Variants in USP25 observed in about 807,000 individuals in gnomAD.
USP25 encodes the protein ubiquitin specific peptidase 25.
In USP25, 85 loss-of-function variants were observed where a neutral mutation model predicts 158.5. That is an observed-to-expected ratio of 0.54 (90% CI 0.45 to 0.64). USP25 has a LOEUF of 0.64. USP25 is among the 30% of genes least tolerant of loss of function. USP25 has a pLI of 0.00. For synonymous variants in USP25, 464 were observed against 460.4 expected (o/e 1.01, Z -0.10); for missense variants, 1,242 against 1,327.3 (o/e 0.94, Z 1.00).
intron 1 of USP25, 34 bp from the exon 2 acceptor site, chr21:15,762,857 G>T (rs757634580): frequency 1.0e-5 from 16 of 1,569,712 alleles, no homozygotes; most frequent in South Asian, 1.2e-5. Context: ...TCAGAGTTGA[G>T]AATATAATGA....
At chr21:15,862,667 A>G (rs1487993814) in intron 20 of USP25, among the ~76,000 whole-genome samples, 1 of 149,852 alleles carries the variant, frequency 6.7e-6, no homozygotes, top group African/African-American at 2.4e-5. Flanking sequence ...GTAAGCGTTG[A>G]TAATCTTAAA....
intron 20 of USP25, among the ~76,000 whole-genome samples, chr21:15,857,304 T>C (rs898844919): frequency 2.6e-5 from 4 of 152,202 alleles, no homozygotes; most frequent in Non-Finnish European, 4.4e-5. Flanking sequence ...ATTTTCAATA[T>C]CGTGAACATT....
chr21:15,741,979 C>T lies in USP25; in HGVS notation c.45+11541C>T, dbSNP rs145636986. On this transcript the variant is annotated intron_variant, in intron 1 of 25. Coordinates refer to ENST00000400183, the MANE Select transcript of USP25 (RefSeq NM_001283041.3). ...CTTTATGATACATATTTTATTACAC[C>T]GTGTACAAAAATAATTTCACATTTT... Among the ~76,000 whole-genome samples the T allele has an allele frequency of 1.6e-4, 25 of 152,074 alleles. No homozygotes were observed. In the East Asian group the frequency reaches 4.4e-3, roughly 27 times the overall value.
intron 3 of USP25, among the ~76,000 whole-genome samples, chr21:15,774,076 T>TAA (rs2034505758): frequency 6.6e-6 from 1 of 152,204 alleles, no homozygotes; most frequent in Non-Finnish European, 1.5e-5. Flanking sequence ...ATATTCTTTT[T>TAA]AATGCTATAC....
chr21:15,820,008 G>C (rs2037151472), intron 10 of USP25, among the ~76,000 whole-genome samples: 1 of 151,940 alleles, frequency 6.6e-6, no homozygotes, highest in African/African-American at 2.4e-5. Context: ...ATCCAGGCAG[G>C]GTCTACGATA....
At chr21:15,862,571 GTT>G (rs369492534) in intron 20 of USP25, among the ~76,000 whole-genome samples, 1 of 127,878 alleles carries the variant, frequency 7.8e-6, no homozygotes, top group Admixed American at 7.9e-5. Context: ...CCCCTTCCCC[GTT>G]TTTTTTTTTT....
chr21:15,750,298 CT>C (rs1171071321), intron 1 of USP25, among the ~76,000 whole-genome samples: 1 of 133,108 alleles, frequency 7.5e-6, no homozygotes, highest in African/African-American at 2.8e-5. Flanking sequence ...GTGGCACAAT[CT>C]TGGTTCACTG....
In USP25 at chr21:15,826,468, A is replaced by G; in HGVS notation, c.1466+103A>G. The stretch of plus-strand genomic sequence containing the variant: ...TTCTATAAAATGTATGCTTTGATTT[A>G]CTTCAGTGAACTCCTAAGAGTAGAT... On this transcript the variant is annotated intron_variant, in intron 13 of 25. Coordinates refer to ENST00000400183, the MANE Select transcript of USP25 (RefSeq NM_001283041.3). This position sits in a 1 kb window ranked among gnomAD's most constrained non-coding sequence, Gnocchi z 4.8. 2 of 1,315,952 alleles carry G rather than the reference A, an allele frequency of 1.5e-6. No homozygotes were observed. The highest frequency in any genetic ancestry group is 2.1e-6 in the Non-Finnish European group (2 of 944,150). 81.5% of individuals were successfully genotyped at this position (1,315,952 alleles called of 1,614,324 possible).
intron 17 of USP25, among the ~76,000 whole-genome samples, chr21:15,840,366 T>C (rs1424938004): frequency 6.6e-6 from 1 of 152,200 alleles, no homozygotes; most frequent in Non-Finnish European, 1.5e-5. Flanking sequence ...TCAGAGTTCC[T>C]TAAAATTAGT....
At chr21:15,756,101 T>C (rs1288882776) in intron 1 of USP25, among the ~76,000 whole-genome samples, 2 of 152,138 alleles carry the variant, frequency 1.3e-5, no homozygotes, top group African/African-American at 2.4e-5. Flanking sequence ...GTCAAAAGAA[T>C]AGGTGAAAAG....
At position 15,842,529 on chromosome 21, in the gene USP25, G is replaced by C. The variant is rs532003284; in HGVS notation, c.2326G>C (p.Val776Leu). Residue 776 changes from valine to leucine, a missense_variant, in exon 18 of 26, where the codon GTT (valine) becomes CTT (leucine). Transcript: ENST00000400183. ...HEHEDKSPET[V>L]LQSKPENTTS... ...GCATGAAGATAAAAGTCCTGAAACA[G>C]TTTTGCAGTCGGTAAGAACTTTTCT... 60 of 1,613,340 alleles carry C rather than the reference G, an allele frequency of 3.7e-5. 1 individual carries two copies. In the South Asian group the frequency reaches 6.4e-4, roughly 17 times the overall value.
intron 18 of USP25, among the ~76,000 whole-genome samples, chr21:15,845,925 G>C (rs1224249506): frequency 6.6e-6 from 1 of 151,500 alleles, no homozygotes; most frequent in Non-Finnish European, 1.5e-5. Context: ...ACAATTTAAA[G>C]TAGCACAACA....
intron 1 of USP25, among the ~76,000 whole-genome samples, chr21:15,734,298 G>A (rs1026035677): frequency 6.6e-6 from 1 of 152,110 alleles, no homozygotes; most frequent in Non-Finnish European, 1.5e-5. Context: ...AAAATAACAT[G>A]TATTTTCCAA....
chr21:15,838,739 TAA>T (rs1244818998), intron 17 of USP25, among the ~76,000 whole-genome samples: 1 of 152,130 alleles, frequency 6.6e-6, no homozygotes, highest in Admixed American at 6.5e-5. Context: ...GTCAAAAAAA[TAA>T]AGACTTCTGA....
chr21:15,780,499 G>C (rs987550560), intron 4 of USP25, among the ~76,000 whole-genome samples: 10 of 152,172 alleles, frequency 6.6e-5, no homozygotes, highest in Non-Finnish European at 1.2e-4. Flanking sequence ...AAAATGGCTT[G>C]CCTCATGAAA....
At chr21:15,797,516 T>C (rs1253791591) in intron 5 of USP25, among the ~76,000 whole-genome samples, 1 of 151,302 alleles carries the variant, frequency 6.6e-6, no homozygotes, top group Non-Finnish European at 1.5e-5. Context: ...TTGAATTTTA[T>C]ACCTAGCAGA....
intron 9 of USP25, among the ~76,000 whole-genome samples, chr21:15,814,824 A>G (rs1039962989): frequency 3.3e-5 from 5 of 152,214 alleles, no homozygotes; most frequent in African/African-American, 1.2e-4. Context: ...CCAGTAGAGC[A>G]GAAAACCCCA....
At chr21:15,818,109 C>T (rs1449664837) in intron 9 of USP25, among the ~76,000 whole-genome samples, 4 of 152,074 alleles carry the variant, frequency 2.6e-5, no homozygotes, top group Admixed American at 2.0e-4. Context: ...TCTATAGTCC[C>T]CCAGCACTCT....
At chr21:15,742,248 A>G (rs1054455932) in intron 1 of USP25, among the ~76,000 whole-genome samples, 5 of 152,006 alleles carry the variant, frequency 3.3e-5, no homozygotes, top group African/African-American at 9.7e-5. Flanking sequence ...GTGAGAGGTC[A>G]TTAGGTCATC....
Sources: allele counts gnomAD v4.1 joint callset (sites outside exome capture counted in the v4.1 genomes callset), GRCh38; gene constraint gnomAD v4.1.1; non-coding constraint Gnocchi (gnomAD v3.1); transcripts MANE v1.5; gene names NCBI Gene and HGNC (gene_info 2026-07-23, HGNC 2026-07-21).